The following ZEB1 variants were observed in gnomAD, a reference collection of about 807,000 sequenced individuals.
ZEB1 encodes zinc finger E-box binding homeobox 1.
ZEB1 carries 21 observed loss-of-function variants against 84.9 expected under a neutral mutation model. The ratio of observed to expected loss-of-function variants is 0.25; its 90% CI spans 0.18 to 0.36. The LOEUF (loss-of-function observed/expected upper bound fraction) is 0.36. Among genes scored for constraint, ZEB1 ranks in the 10% least tolerant of loss-of-function variants. The pLI is 1.00. For missense variants in ZEB1, 1,104 were observed against 1,330.2 expected (o/e 0.83, Z 2.65); for synonymous variants, 420 against 471.1 (o/e 0.89, Z 1.41).
intron 8 of ZEB1, among the ~76,000 whole-genome samples, chr10:31,526,112 C>T (rs551795772): frequency 6.6e-6 from 1 of 152,210 alleles, no homozygotes; most frequent in South Asian, 2.1e-4. Flanking sequence ...AAACTTGTTT[C>T]TTAGGGGGCA....
rs866987044 is a variant in ZEB1, at chr10:31,520,309, G to A, written c.977G>A (p.Arg326Gln). 50 of 1,613,732 alleles carry A rather than the reference G, an allele frequency of 3.1e-5. No homozygotes were observed. The highest frequency in any genetic ancestry group is 3.7e-5 in the Non-Finnish European group (44 of 1,179,916). ...TCAGCATCACCAGGCAGTCCCACAC[G>A]ACCACAGATACGGCAAAAGATAGAG... ...SLSASPGSPTRPQIRQKIENK... is the reference protein window; with the variant it reads ...SLSASPGSPTQPQIRQKIENK... Residue 326 changes from arginine (R) to glutamine (Q), a missense_variant, in exon 7 of 9, where the codon CGA (arginine) becomes CAA (glutamine). Arg to Gln is a conservative substitution (Grantham distance 43, BLOSUM62 1). Around this residue, in one of 7 missense-constraint regions of ZEB1, gnomAD observed 111 missense variants for 161.8 expected, o/e 0.69. Coordinates refer to ENST00000424869, the MANE Select transcript of ZEB1 (RefSeq NM_001174096.2). The surrounding 1 kb of genome is among the most constrained non-coding windows in gnomAD (Gnocchi z 5.1).
chr10:31,488,012 T>G (rs2065962534), intron 2 of ZEB1, among the ~76,000 whole-genome samples: 1 of 151,286 alleles, frequency 6.6e-6, no homozygotes, highest in African/African-American at 2.4e-5. Flanking sequence ...TTGTTGAAGA[T>G]TTTTGTGTCG....
At chr10:31,493,699 A>C (rs890746156) in intron 2 of ZEB1, among the ~76,000 whole-genome samples, 5 of 152,014 alleles carry the variant, frequency 3.3e-5, no homozygotes, top group African/African-American at 1.2e-4. Flanking sequence ...ATCCCAAGGC[A>C]GCATTTTTTT....
chr10:31,358,298 T>G (rs532300662), intron 1 of ZEB1: 82 of 152,306 alleles, frequency 5.4e-4, no homozygotes, highest in African/African-American at 1.9e-3. Flanking sequence ...TTACGTTTTT[T>G]ACTTATGTGA....
chr10:31,527,104 T>A lies in ZEB1; in HGVS notation c.3218T>A (p.Val1073Glu). The A allele has an allele frequency of 5.6e-6, 9 of 1,595,468 alleles. No homozygotes were observed. Among genetic ancestry groups the A allele is most frequent in the Non-Finnish European group, 7.7e-6 (9 of 1,170,550 alleles). The stretch of plus-strand genomic sequence containing the variant: ...GAAGAGGAGGAGGAGGAGGAAGAAG[T>A]GGAAGAAGAAGAGGTAGAAGAGGCA... ...DEEEEEEEEE[V>E]EEEEVEEAEN... Residue 1073 changes from valine to glutamate, a missense_variant, in exon 9 of 9, where the codon GTG becomes GAG. Around this residue, in one of 7 missense-constraint regions of ZEB1, gnomAD observed 173 missense variants for 167.0 expected, o/e 1.04. Transcript: ENST00000424869.
chr10:31,494,733 CAT>C (rs2066989016), intron 2 of ZEB1, among the ~76,000 whole-genome samples: 1 of 151,942 alleles, frequency 6.6e-6, no homozygotes, highest in African/African-American at 2.4e-5. Flanking sequence ...CATTTATGCA[CAT>C]GTTCTTAATA....
chr10:31,326,457 C>A (rs1225933236), intron 1 of ZEB1, among the ~76,000 whole-genome samples: 1 of 151,886 alleles, frequency 6.6e-6, no homozygotes, highest in Non-Finnish European at 1.5e-5. Context: ...TTGGAGTAGA[C>A]AAAAAATAAC....
chr10:31,404,234 T>C (rs2052567643), intron 1 of ZEB1, among the ~76,000 whole-genome samples: 1 of 150,926 alleles, frequency 6.6e-6, no homozygotes, highest in African/African-American at 2.4e-5. Context: ...TTTTTTTAAC[T>C]CTTAAAGTCT....
chr10:31,482,598 T>C (rs2065189365), intron 2 of ZEB1, among the ~76,000 whole-genome samples: 1 of 152,060 alleles, frequency 6.6e-6, no homozygotes, highest in Non-Finnish European at 1.5e-5. Context: ...TTATGTCATG[T>C]TCTCTTTAGG....
intron 1 of ZEB1, among the ~76,000 whole-genome samples, chr10:31,412,065 A>T (rs2054397815): frequency 6.6e-6 from 1 of 152,238 alleles, no homozygotes; most frequent in African/African-American, 2.4e-5. Flanking sequence ...AAGGATGCAG[A>T]GAAATATTTA....
intron 1 of ZEB1, among the ~76,000 whole-genome samples, chr10:31,352,272 A>G (rs1054285479): frequency 6.6e-6 from 1 of 152,244 alleles, no homozygotes; most frequent in African/African-American, 2.4e-5. Flanking sequence ...TTTTCAATGT[A>G]AAATGAGTGT....
chr10:31,391,276 T>TGTGA (rs773736630), intron 1 of ZEB1, among the ~76,000 whole-genome samples: 12 of 126,490 alleles, frequency 9.5e-5, no homozygotes, highest in South Asian at 2.3e-4. Flanking sequence ...TGTGTGTGTG[T>TGTGA]GAGATCCAAT....
intron 2 of ZEB1, among the ~76,000 whole-genome samples, chr10:31,474,185 G>A (rs999757907): frequency 6.6e-6 from 1 of 152,200 alleles, no homozygotes; most frequent in African/African-American, 2.4e-5. Flanking sequence ...AAAAGCAATG[G>A]CAACAAAAGC....
At chr10:31,473,655 A>G (rs1447633684) in intron 2 of ZEB1, among the ~76,000 whole-genome samples, 5 of 149,418 alleles carry the variant, frequency 3.3e-5, no homozygotes, top group East Asian at 2.0e-4. Context: ...TACAGATTCA[A>G]TGCCATCCCC....
At chr10:31,338,704 C>T (rs974090887) in intron 1 of ZEB1, among the ~76,000 whole-genome samples, 7 of 151,936 alleles carry the variant, frequency 4.6e-5, no homozygotes, top group Admixed American at 2.6e-4. Context: ...ATTTTGTGTC[C>T]GTACGTTCAT....
intron 6 of ZEB1, 138 bp downstream of exon 6, chr10:31,514,846 A>G: frequency 7.3e-6 from 5 of 688,400 alleles, no homozygotes; most frequent in South Asian, 5.7e-5. Flanking sequence ...GAGAAATTTT[A>G]TGTTTATTTT....
intron 1 of ZEB1, among the ~76,000 whole-genome samples, chr10:31,369,575 A>G (rs996013767): frequency 6.6e-6 from 1 of 152,214 alleles, no homozygotes; most frequent in Admixed American, 6.5e-5. Context: ...CATTGTCTGT[A>G]TATACCACAT....
Position 31,382,911 on chromosome 10 carries a change from A to G in ZEB1, c.58+63619A>G, listed in dbSNP as rs187511860. ...AAAGACACATGAATAATAAAGAAAT[A>G]TGAGGTTTTTTTCATTGTATTAAAG... On this transcript the variant is annotated intron_variant, in intron 1 of 8. Transcript: ENST00000424869. 1.1e-3 allele frequency among the ~76,000 whole-genome samples: 161 copies of G among 152,226 alleles called. 1 individual carries two copies. The highest frequency in any genetic ancestry group is 9.4e-4 in the Non-Finnish European group (64 of 67,994).
At chr10:31,417,571 G>A (rs1043062430) in intron 1 of ZEB1, among the ~76,000 whole-genome samples, 8 of 151,980 alleles carry the variant, frequency 5.3e-5, no homozygotes, top group African/African-American at 9.7e-5. Flanking sequence ...GTGCTTCTTC[G>A]GTGATATATA....
Sources: allele counts gnomAD v4.1 joint callset (sites outside exome capture counted in the v4.1 genomes callset), GRCh38; gene constraint gnomAD v4.1.1; regional missense constraint gnomAD v4.1.1; non-coding constraint Gnocchi (gnomAD v3.1); transcripts MANE v1.5; gene names NCBI Gene and HGNC (gene_info 2026-07-23, HGNC 2026-07-21).